The following GRID2 variants were observed in gnomAD, a reference collection of about 807,000 sequenced individuals.
GRID2 encodes the protein glutamate ionotropic receptor delta type subunit 2.
Under a neutral mutation model 114.8 loss-of-function variants are expected in GRID2, and 33 were observed. The observed-to-expected ratio is 0.29, with a 90% CI of 0.22 to 0.38. The LOEUF (loss-of-function observed/expected upper bound fraction) is 0.38. Ranked by LOEUF, GRID2 falls within the 10% of genes least tolerant of loss-of-function variation. The pLI is 1.00. For missense variants in GRID2, 1,184 were observed against 1,257.7 expected (o/e 0.94, Z 0.89); for synonymous variants, 505 against 449.9 (o/e 1.12, Z -1.55).
At chr4:92,782,758 T>C (rs1739142517) in intron 2 of GRID2, among the ~76,000 whole-genome samples, 1 of 151,688 alleles carries the variant, frequency 6.6e-6, no homozygotes, top group South Asian at 2.1e-4. Context: ...GATGAGAAAG[T>C]TGGTGTCCTG....
chr4:93,422,673 A>G (rs2149368006), intron 9 of GRID2, 98 bp from the exon 10 acceptor site: 1 of 739,426 alleles, frequency 1.4e-6, no homozygotes, highest in Non-Finnish European at 2.3e-6. Context: ...AAAGTATAAA[A>G]CAATTTTTAG....
intron 13 of GRID2, among the ~76,000 whole-genome samples, chr4:93,519,232 A>G (rs1432242541): frequency 6.6e-6 from 1 of 152,132 alleles, no homozygotes; most frequent in East Asian, 1.9e-4. Context: ...ACATGATAAC[A>G]TATTTTGGCA....
intron 2 of GRID2, among the ~76,000 whole-genome samples, chr4:93,054,547 A>G (rs939277196): frequency 5.9e-5 from 9 of 152,018 alleles, no homozygotes; most frequent in African/African-American, 2.2e-4. Flanking sequence ...AAACTTTTCT[A>G]TCCCAAGACA....
intron 4 of GRID2, among the ~76,000 whole-genome samples, chr4:93,160,859 C>G (rs781635174): frequency 1.3e-5 from 2 of 151,752 alleles, no homozygotes; most frequent in Non-Finnish European, 2.9e-5. Flanking sequence ...ATCTACTGAA[C>G]CTGAATCTGC....
intron 13 of GRID2, among the ~76,000 whole-genome samples, chr4:93,597,735 G>T (rs997435159): frequency 6.6e-6 from 1 of 152,172 alleles, no homozygotes; most frequent in Non-Finnish European, 1.5e-5. Flanking sequence ...AGGTTCAGCT[G>T]CTTCTTTCTA....
intron 1 of GRID2, among the ~76,000 whole-genome samples, chr4:93,802,143 A>G (rs1734944110): frequency 1.3e-5 from 2 of 152,252 alleles, no homozygotes; most frequent in Admixed American, 1.3e-4. Flanking sequence ...CCTGAAACAC[A>G]TCAAAAGAAC....
intron 1 of GRID2, among the ~76,000 whole-genome samples, chr4:92,321,092 T>C (rs1357133134): frequency 6.6e-6 from 1 of 152,206 alleles, no homozygotes; most frequent in African/African-American, 2.4e-5. Context: ...TTATAGAATT[T>C]TGTGTTCTTT....
At chr4:93,505,512 CATG>C (rs1180781767) in intron 12 of GRID2, among the ~76,000 whole-genome samples, 1 of 150,700 alleles carries the variant, frequency 6.6e-6, no homozygotes, top group Non-Finnish European at 1.5e-5. Context: ...TGCTTTTTAC[CATG>C]CACAGGAAAA....
intron 2 of GRID2, among the ~76,000 whole-genome samples, chr4:92,594,235 C>A (rs527894761): frequency 6.6e-6 from 1 of 151,730 alleles, no homozygotes; most frequent in South Asian, 2.1e-4. Context: ...TGTAAGGACT[C>A]AAAAAAGTAG....
intron 8 of GRID2, among the ~76,000 whole-genome samples, chr4:93,318,086 T>C (rs1191177735): frequency 1.4e-5 from 2 of 146,294 alleles, no homozygotes; most frequent in South Asian, 4.3e-4. Context: ...ATCAAGTTAA[T>C]AGAAACAATA....
At chr4:93,247,869 A>C (rs190546982) in intron 8 of GRID2, among the ~76,000 whole-genome samples, 2 of 152,110 alleles carry the variant, frequency 1.3e-5, no homozygotes, top group Admixed American at 1.3e-4. Context: ...ATTGGCATCC[A>C]TACTCTCAGA....
At chr4:93,764,792 G>A (rs754241837) in intron 14 of GRID2, among the ~76,000 whole-genome samples, 1 of 152,132 alleles carries the variant, frequency 6.6e-6, no homozygotes, top group Non-Finnish European at 1.5e-5. Flanking sequence ...AATAACCACA[G>A]TAACTCTTTG....
chr4:92,308,807 T>G (rs1171619732), intron 1 of GRID2, among the ~76,000 whole-genome samples: 1 of 152,002 alleles, frequency 6.6e-6, no homozygotes, highest in Non-Finnish European at 1.5e-5. Context: ...CCTCAAGGAT[T>G]TTTTGGATTG....
intron 1 of GRID2, among the ~76,000 whole-genome samples, chr4:92,482,033 T>TATAA (rs1491363224): frequency 1.1e-4 from 6 of 55,968 alleles, no homozygotes; most frequent in Admixed American, 3.4e-4. Context: ...TATATATATA[T>TATAA]AAAATAACAA....
At chr4:93,317,434 G>C (rs1024119981) in intron 8 of GRID2, among the ~76,000 whole-genome samples, 1 of 151,834 alleles carries the variant, frequency 6.6e-6, no homozygotes, top group African/African-American at 2.4e-5. Flanking sequence ...TGATGATACA[G>C]AACAAGTCGA....
At chr4:92,402,824 T>C (rs76860168) in intron 1 of GRID2, among the ~76,000 whole-genome samples, 9,783 of 152,230 alleles carry the variant, frequency 0.064, 428 homozygotes, top group African/African-American at 0.12. Context: ...CAGCATATCC[T>C]TTGAAGCTTC....
intron 8 of GRID2, among the ~76,000 whole-genome samples, chr4:93,252,459 T>G (rs1332735340): frequency 6.6e-6 from 1 of 152,072 alleles, no homozygotes; most frequent in Non-Finnish European, 1.5e-5. Context: ...CATGCTGTTT[T>G]TATTACTGTA....
intron 2 of GRID2, among the ~76,000 whole-genome samples, chr4:92,712,421 T>C (rs900065791): frequency 1.3e-5 from 2 of 152,094 alleles, no homozygotes; most frequent in Non-Finnish European, 2.9e-5. Flanking sequence ...TTTGCACTTG[T>C]ATCACATTAG....
At chr4:93,442,761 A>C (rs1721739869) in intron 10 of GRID2, among the ~76,000 whole-genome samples, 1 of 152,016 alleles carries the variant, frequency 6.6e-6, no homozygotes, top group Non-Finnish European at 1.5e-5. Context: ...TTGTTTCTTT[A>C]ACCCAGACCT....
Sources: gnomAD v4.1 joint callset for allele counts (sites outside exome capture counted in the v4.1 genomes callset) on GRCh38, gnomAD v4.1.1 for gene constraint, MANE v1.5 for transcripts, NCBI Gene and HGNC (gene_info 2026-07-23, HGNC 2026-07-21) for gene names.